The following BRD10 variants were observed in gnomAD, a reference collection of about 807,000 sequenced individuals.
BRD10 encodes uncharacterized bromodomain-containing protein 10.
the BRD10 span, among the ~76,000 whole-genome samples, chr9:5,991,727 A>T: frequency 4.6e-5 from 6 of 131,726 alleles, no homozygotes; most frequent in African/African-American, 2.1e-4. Context: ...TCTGTCTTAA[A>T]AAAAAAAAAA....
the BRD10 span, among the ~76,000 whole-genome samples, chr9:5,950,901 TATATC>T: frequency 1.4e-4 from 22 of 152,294 alleles, no homozygotes; most frequent in East Asian, 2.3e-3. Context: ...AAATTGTTGT[TATATC>T]ATATTGTTTA....
At chr9:5,969,372 T>C in the BRD10 span, 2 of 1,608,664 alleles carry the variant, frequency 1.2e-6, no homozygotes, top group Non-Finnish European at 1.7e-6. Context: ...AGAAGTTTTC[T>C]TTCCCATTCT....
the BRD10 span, chr9:5,892,429 C>A: frequency 1.1e-5 from 17 of 1,567,442 alleles, no homozygotes; most frequent in African/African-American, 2.2e-4. Flanking sequence ...ATTAATGATG[C>A]CCACATGCTC....
the BRD10 span, among the ~76,000 whole-genome samples, chr9:5,937,597 T>C: frequency 6.6e-6 from 1 of 152,192 alleles, no homozygotes; most frequent in African/African-American, 2.4e-5. Context: ...GAAGGATCTG[T>C]ACTTAGGTCA....
chr9:5,960,562 CA>C, the BRD10 span, among the ~76,000 whole-genome samples: 80,816 of 122,218 alleles, frequency 0.66, 25,076 homozygotes, highest in Non-Finnish European at 0.76. Context: ...GACTCTGTCT[CA>C]AAAAAAAAAA....
chr9:5,999,186 A>T, the BRD10 span, among the ~76,000 whole-genome samples: 2 of 152,040 alleles, frequency 1.3e-5, no homozygotes, highest in Non-Finnish European at 2.9e-5. Context: ...TTATGTATTT[A>T]ACATATTTTT....
At chr9:5,906,468 A>G in the BRD10 span, among the ~76,000 whole-genome samples, 1,975 of 152,356 alleles carry the variant, frequency 0.013, 29 homozygotes, top group African/African-American at 0.043. Context: ...AAGAACTTCA[A>G]AAGTTTCCTG....
At chr9:5,929,035 T>TA in the BRD10 span, 3 of 1,436,282 alleles carry the variant, frequency 2.1e-6, no homozygotes, top group African/African-American at 4.2e-5. Context: ...ATTATAACAT[T>TA]AAAATTACCT....
At chr9:5,896,839 C>T in the BRD10 span, among the ~76,000 whole-genome samples, 5 of 152,178 alleles carry the variant, frequency 3.3e-5, no homozygotes, top group Non-Finnish European at 5.9e-5. Flanking sequence ...GCTGCTTAGA[C>T]AAGATCCTTC....
the BRD10 span, among the ~76,000 whole-genome samples, chr9:5,884,520 G>C: frequency 0.94 from 142,433 of 152,246 alleles, 67,034 homozygotes; most frequent in Non-Finnish European, 0.99. Flanking sequence ...GTCCTCACCC[G>C]AAGTTATGGT....
At chr9:5,920,694 C>T in the BRD10 span, 6 of 1,613,818 alleles carry the variant, frequency 3.7e-6, no homozygotes, top group Non-Finnish European at 5.1e-6. Flanking sequence ...GCTCCTGGTA[C>T]TGCTGCCGAA....
the BRD10 span, among the ~76,000 whole-genome samples, chr9:5,967,062 A>G: frequency 6.6e-6 from 1 of 152,234 alleles, no homozygotes; most frequent in Non-Finnish European, 1.5e-5. Flanking sequence ...TAAAAGATTC[A>G]TTCCCTTATT....
At chr9:6,007,747 C>G in the BRD10 span, 1 of 1,590,704 alleles carries the variant, frequency 6.3e-7, no homozygotes, top group African/African-American at 1.3e-5. Context: ...CTCTTCCTCC[C>G]CAGCCGGCTC....
the BRD10 span, chr9:5,921,781 A>C: frequency 3.1e-6 from 5 of 1,614,006 alleles, no homozygotes; most frequent in Non-Finnish European, 4.2e-6. Context: ...ATGGTAGTAG[A>C]GTACTAGAAC....
the BRD10 span, among the ~76,000 whole-genome samples, chr9:5,941,459 T>C: frequency 6.6e-6 from 1 of 152,088 alleles, no homozygotes; most frequent in South Asian, 2.1e-4. Context: ...CAACCAGAGG[T>C]CTCACTTTTA....
chr9:5,982,455 G>C, the BRD10 span, among the ~76,000 whole-genome samples: 1 of 152,068 alleles, frequency 6.6e-6, no homozygotes, highest in Non-Finnish European at 1.5e-5. Context: ...GAGGTTATTG[G>C]GTCATGAGGG....
At chr9:5,920,975 G>A in the BRD10 span, 4 of 1,613,974 alleles carry the variant, frequency 2.5e-6, no homozygotes, top group South Asian at 3.3e-5. Context: ...TTGTGCCCCA[G>A]CTGAAGCAGA....
chr9:5,945,262 T>A, the BRD10 span, among the ~76,000 whole-genome samples: 1 of 152,074 alleles, frequency 6.6e-6, no homozygotes, highest in Non-Finnish European at 1.5e-5. Context: ...CAGCCCAGAA[T>A]GACAAAGATC....
the BRD10 span, among the ~76,000 whole-genome samples, chr9:5,905,673 C>T: frequency 1.4e-4 from 22 of 152,188 alleles, 1 homozygote; most frequent in Admixed American, 5.9e-4. Flanking sequence ...TAAAGAATAC[C>T]TAAAACCCAC....
Sources: allele counts gnomAD v4.1 joint callset (sites outside exome capture counted in the v4.1 genomes callset), GRCh38; gene constraint gnomAD v4.1.1; transcripts MANE v1.5; gene names NCBI Gene and HGNC (gene_info 2026-07-23, HGNC 2026-07-21).